GALNT17: variants seen among roughly 807,000 people sequenced by gnomAD.
GALNT17 encodes the protein polypeptide N-acetylgalactosaminyltransferase 17.
GALNT17 carries 29 observed loss-of-function variants against 63.7 expected under a neutral mutation model. The observed-to-expected ratio is 0.46, with a 90% CI of 0.34 to 0.62. The LOEUF is 0.62. GALNT17 is among the 20% of genes least tolerant of loss of function. GALNT17 has a pLI of 0.01. For synonymous variants in GALNT17, 305 were observed against 318.3 expected (o/e 0.96, Z 0.45); for missense variants, 603 against 799.6 (o/e 0.75, Z 2.97).
At chr7:71,154,775 A>AT (rs1788202940) in intron 1 of GALNT17, among the ~76,000 whole-genome samples, 4 of 150,354 alleles carry the variant, frequency 2.7e-5, no homozygotes, top group African/African-American at 7.5e-5. Flanking sequence ...ATGGGGTTTC[A>AT]CTGTCTTAGC....
intron 1 of GALNT17, among the ~76,000 whole-genome samples, chr7:71,185,469 A>T (rs531957793): frequency 2.3e-4 from 35 of 149,434 alleles, no homozygotes; most frequent in African/African-American, 8.2e-4. Context: ...AAGTGCTGCG[A>T]TTACAGGCAT....
chr7:71,272,514 A>G (rs1361480509), intron 1 of GALNT17, among the ~76,000 whole-genome samples: 1 of 152,160 alleles, frequency 6.6e-6, no homozygotes, highest in Admixed American at 6.5e-5. Flanking sequence ...TATTTTTTTA[A>G]GCCATTCTAG....
chr7:71,553,114 C>G (rs1444725200), intron 5 of GALNT17, among the ~76,000 whole-genome samples: 1 of 151,966 alleles, frequency 6.6e-6, no homozygotes, highest in African/African-American at 2.4e-5. Context: ...TGCCTGAGCT[C>G]AGAAGTCTGA....
chr7:71,591,563 A>G (rs576265911), intron 6 of GALNT17, among the ~76,000 whole-genome samples: 102 of 152,298 alleles, frequency 6.7e-4, no homozygotes, highest in East Asian at 5.8e-4. Flanking sequence ...GAAACTCCTC[A>G]GGTATTTGCA....
intron 5 of GALNT17, among the ~76,000 whole-genome samples, chr7:71,457,282 C>T (rs536286930): frequency 1.3e-5 from 2 of 152,294 alleles, no homozygotes; most frequent in South Asian, 2.1e-4. Flanking sequence ...TTTAAGCTAT[C>T]TTATTTAGGA....
At chr7:71,416,671 G>A (rs62462229) in intron 4 of GALNT17, among the ~76,000 whole-genome samples, 1 of 152,070 alleles carries the variant, frequency 6.6e-6, no homozygotes, top group East Asian at 1.9e-4. Flanking sequence ...CAGAATCCTT[G>A]CAAATGGTAC....
At chr7:71,358,361 C>G (rs747396926) in intron 2 of GALNT17, among the ~76,000 whole-genome samples, 3 of 152,206 alleles carry the variant, frequency 2.0e-5, no homozygotes, top group Non-Finnish European at 4.4e-5. Context: ...CGCCATTGCA[C>G]TCCTGCCTGG....
intron 1 of GALNT17, among the ~76,000 whole-genome samples, chr7:71,333,949 C>T (rs6460653): frequency 0.65 from 97,865 of 151,448 alleles, 31,981 homozygotes; most frequent in African/African-American, 0.75. Flanking sequence ...GAGCAGAGTT[C>T]AGGGGTTGTC....
At chr7:71,315,635 A>G (rs78321327) in intron 1 of GALNT17, among the ~76,000 whole-genome samples, 1,846 of 152,292 alleles carry the variant, frequency 0.012, 41 homozygotes, top group African/African-American at 0.041. Context: ...AGAGTTTAAC[A>G]TATATGGGAA....
At chr7:71,220,189 G>GT (rs1333858434) in intron 1 of GALNT17, among the ~76,000 whole-genome samples, 1 of 152,170 alleles carries the variant, frequency 6.6e-6, no homozygotes, top group Admixed American at 6.5e-5. Context: ...CTTAGTTCTG[G>GT]TTGGTCACAC....
intron 1 of GALNT17, among the ~76,000 whole-genome samples, chr7:71,205,019 T>A (rs1031920969): frequency 6.6e-6 from 1 of 152,194 alleles, no homozygotes. Context: ...ATGCTGGGAT[T>A]ACATCTTTTC....
At chr7:71,613,950 T>G (rs1308273277) in intron 6 of GALNT17, among the ~76,000 whole-genome samples, 1 of 151,946 alleles carries the variant, frequency 6.6e-6, no homozygotes, top group Non-Finnish European at 1.5e-5. Context: ...AGACCCTGTC[T>G]CTTTAAAACA....
intron 5 of GALNT17, among the ~76,000 whole-genome samples, chr7:71,564,002 G>A (rs1789296996): frequency 6.6e-6 from 1 of 152,122 alleles, no homozygotes; most frequent in Non-Finnish European, 1.5e-5. Context: ...GAGGATTACA[G>A]GCATGAGCCA....
intron 6 of GALNT17, among the ~76,000 whole-genome samples, chr7:71,659,724 A>T (rs561718144): frequency 1.3e-5 from 2 of 152,346 alleles, no homozygotes; most frequent in South Asian, 4.1e-4. Flanking sequence ...CAAATAAGTC[A>T]CATTGCCAAG....
intron 1 of GALNT17, among the ~76,000 whole-genome samples, chr7:71,325,438 A>G (rs1034654234): frequency 2.0e-5 from 3 of 152,172 alleles, no homozygotes; most frequent in Non-Finnish European, 2.9e-5. Flanking sequence ...TTATGAGTTG[A>G]CAAGGCACCA....
chr7:71,530,724 G>C (rs901452049), intron 5 of GALNT17, among the ~76,000 whole-genome samples: 1 of 151,864 alleles, frequency 6.6e-6, no homozygotes, highest in African/African-American at 2.4e-5. Flanking sequence ...CCCGCCTACA[G>C]GCCTGGCTAA....
At chr7:71,658,283 T>G (rs750775374) in intron 6 of GALNT17, among the ~76,000 whole-genome samples, 8 of 152,212 alleles carry the variant, frequency 5.3e-5, no homozygotes, top group Non-Finnish European at 1.2e-4. Flanking sequence ...TAAACCAACG[T>G]GCCACTGAAG....
At chr7:71,189,247 T>C (rs546761523) in intron 1 of GALNT17, among the ~76,000 whole-genome samples, 2 of 152,302 alleles carry the variant, frequency 1.3e-5, no homozygotes, top group South Asian at 2.1e-4. Context: ...CCTGCCGCCA[T>C]GTAAGATGTG....
At chr7:71,185,701 G>A (rs1788837928) in intron 1 of GALNT17, among the ~76,000 whole-genome samples, 1 of 151,882 alleles carries the variant, frequency 6.6e-6, no homozygotes, top group African/African-American at 2.4e-5. Context: ...TGGAGACGGG[G>A]TTTCACCGTG....
Sources: gnomAD v4.1 joint callset for allele counts (sites outside exome capture counted in the v4.1 genomes callset) on GRCh38, gnomAD v4.1.1 for gene constraint, MANE v1.5 for transcripts, NCBI Gene and HGNC (gene_info 2026-07-23, HGNC 2026-07-21) for gene names.